CECR2: variants seen among roughly 807,000 people sequenced by gnomAD.
CECR2 encodes the protein chromatin remodeling regulator CECR2.
Under a neutral mutation model 154.5 loss-of-function variants are expected in CECR2, and 30 were observed. The ratio of observed to expected loss-of-function variants is 0.19; its 90% CI spans 0.15 to 0.26. The LOEUF (loss-of-function observed/expected upper bound fraction) is 0.26, where lower values mean the gene tolerates loss of function less well. Among genes scored for constraint, CECR2 ranks in the 10% least tolerant of loss-of-function variants. The pLI, the probability that CECR2 is intolerant of heterozygous loss-of-function variation, is 1.00. For synonymous variants in CECR2, 725 were observed against 683.7 expected, an observed-to-expected ratio of 1.06 and a Z score of -0.94; for missense variants, 1,743 against 1,829.3, an observed-to-expected ratio of 0.95 and a Z score of 0.86.
At chr22:17,478,179 G>C (rs576242271) in intron 2 of CECR2, among the ~76,000 whole-genome samples, 2 of 152,102 alleles carry the variant, frequency 1.3e-5, no homozygotes, top group Admixed American at 1.3e-4. Context: ...CTCTTGTTTT[G>C]ATCTTTACTT....
chr22:17,529,031 G>C (rs976022364), intron 9 of CECR2, among the ~76,000 whole-genome samples: 2 of 152,108 alleles, frequency 1.3e-5, no homozygotes, highest in African/African-American at 2.4e-5. Context: ...AGGAGATCGA[G>C]GCTGCAGTGA....
chr22:17,515,613 T>C (rs2056037195), intron 8 of CECR2, among the ~76,000 whole-genome samples: 1 of 152,188 alleles, frequency 6.6e-6, no homozygotes, highest in Admixed American at 6.5e-5. Context: ...TTTAAGCGTG[T>C]GAACATGTGA....
In CECR2 at chr22:17,540,715, A is replaced by T. The variant is rs767596260; in HGVS notation, c.1799A>T (p.Glu600Val). ...AGCAGCTCCACACAGCCCCCGCGGG[A>T]GGTGGGCACTTCCAATGGCCGAGGT... is the stretch of plus-strand genomic sequence containing the variant. ...QSSSSTQPPREVGTSNGRGFS... is the reference protein window; with the variant it reads ...QSSSSTQPPRVVGTSNGRGFS... The change falls in exon 14 of 19, where the codon GAG becomes GTG. Residue 600 changes from glutamate (E) to valine (V), a missense_variant. Glu to Val is a moderately radical substitution (Grantham distance 121). Transcript: ENST00000262608. 2 of 1,613,018 alleles carry T rather than the reference A, an allele frequency of 1.2e-6. No homozygotes were observed. The highest frequency in any genetic ancestry group is 1.7e-6 in the Non-Finnish European group (2 of 1,179,400).
At chr22:17,530,289 C>G (rs1298900783) in intron 9 of CECR2, among the ~76,000 whole-genome samples, 2 of 151,228 alleles carry the variant, frequency 1.3e-5, no homozygotes, top group African/African-American at 4.9e-5. Flanking sequence ...GCAGTGGTGC[C>G]GCGCCCGGCA....
At chr22:17,433,931 G>T (rs2054464740) in intron 1 of CECR2, among the ~76,000 whole-genome samples, 1 of 151,838 alleles carries the variant, frequency 6.6e-6, no homozygotes, top group Admixed American at 6.6e-5. Context: ...GGACAATGGG[G>T]AGCGAATCTA....
intron 2 of CECR2, among the ~76,000 whole-genome samples, chr22:17,491,343 C>T (rs1013533386): frequency 6.6e-6 from 1 of 152,052 alleles, no homozygotes; most frequent in African/African-American, 2.4e-5. Context: ...TCTCTGCATC[C>T]TGGTCAGCAC....
chr22:17,454,604 CAAAAAAA>C (rs533818885), intron 1 of CECR2, among the ~76,000 whole-genome samples: 1 of 88,494 alleles, frequency 1.1e-5, no homozygotes, highest in Admixed American at 1.3e-4. Context: ...GACTCCGTCT[CAAAAAAA>C]AAAAAAAAAC....
At chr22:17,475,844 C>A (rs1238620151) in intron 1 of CECR2, among the ~76,000 whole-genome samples, 1 of 152,094 alleles carries the variant, frequency 6.6e-6, no homozygotes, top group African/African-American at 2.4e-5. Context: ...TCCGTTCTCT[C>A]ATTTAGTAAG....
intron 2 of CECR2, among the ~76,000 whole-genome samples, chr22:17,495,882 AAAAG>A (rs1424604866): frequency 1.3e-5 from 2 of 151,058 alleles, no homozygotes; most frequent in Non-Finnish European, 3.0e-5. Flanking sequence ...AAAAAAAAAA[AAAAG>A]GTATTTACAC....
intron 1 of CECR2, among the ~76,000 whole-genome samples, chr22:17,416,333 GT>G (rs199846211): frequency 3.3e-5 from 5 of 151,948 alleles, no homozygotes; most frequent in Non-Finnish European, 5.9e-5. Flanking sequence ...TATATGTTTA[GT>G]TTTTTTCTAT....
intron 1 of CECR2, among the ~76,000 whole-genome samples, chr22:17,456,126 A>AATT (rs58669468): frequency 0.073 from 11,062 of 151,604 alleles, 728 homozygotes; most frequent in African/African-American, 0.17. Flanking sequence ...ATGTTTAGTC[A>AATT]ATTATTATTA....
chr22:17,512,592 A>G (rs1375990787), intron 8 of CECR2, among the ~76,000 whole-genome samples: 2 of 151,538 alleles, frequency 1.3e-5, no homozygotes, highest in Middle Eastern at 3.2e-3. Flanking sequence ...AATCCCAGCT[A>G]CTCGGGAGGC....
intron 2 of CECR2, among the ~76,000 whole-genome samples, chr22:17,478,158 C>T (rs1454987380): frequency 2.6e-5 from 4 of 151,992 alleles, no homozygotes; most frequent in African/African-American, 4.8e-5. Flanking sequence ...AAAGGAGAGT[C>T]CTGATAGGAC....
In CECR2 at chr22:17,539,062, G is replaced by A. The variant is rs1180269671; in HGVS notation, c.1438G>A (p.Val480Ile). ...GGLYCTKEEF[V>I]NDMKTMFRNC... is the part of the protein sequence containing the mutation. The stretch of plus-strand genomic sequence containing the variant: ...TTTATACTGTACCAAGGAGGAATTT[G>A]TAAATGACATGAAGACCATGTTCAG... Residue 480 changes from valine to isoleucine, a missense_variant, in exon 13 of 19, where the codon GTA becomes ATA. Physicochemically the swap from Val to Ile is conservative, Grantham distance 29. Around this residue, in one of 4 missense-constraint regions of CECR2, gnomAD observed 103 missense variants for 166.8 expected, o/e 0.62. Transcript: ENST00000262608. 5.0e-6 allele frequency: 8 copies of A among 1,613,904 alleles called. No individual in the cohort carries two copies. Among genetic ancestry groups the A allele is most frequent in the Non-Finnish European group, 6.8e-6 (8 of 1,179,818 alleles).
chr22:17,530,856 G>A (rs760225198), intron 9 of CECR2, among the ~76,000 whole-genome samples: 3 of 152,162 alleles, frequency 2.0e-5, no homozygotes, highest in African/African-American at 2.4e-5. Flanking sequence ...GGTATTACAC[G>A]AAGTGATATC....
At chr22:17,526,808 CAAAAA>C (rs34800488) in intron 9 of CECR2, among the ~76,000 whole-genome samples, 5 of 71,684 alleles carry the variant, frequency 7.0e-5, no homozygotes, top group African/African-American at 3.1e-4. Flanking sequence ...GACTCCATCT[CAAAAA>C]AAAAAAAAAA....
intron 1 of CECR2, among the ~76,000 whole-genome samples, chr22:17,396,507 A>T (rs1427583811): frequency 6.6e-6 from 1 of 152,234 alleles, no homozygotes; most frequent in Non-Finnish European, 1.5e-5. Context: ...GGATTGCACC[A>T]TTGCACTCCA....
At chr22:17,435,707 A>C (rs1047110128) in intron 1 of CECR2, among the ~76,000 whole-genome samples, 5,250 of 144,438 alleles carry the variant, frequency 0.036, 168 homozygotes, top group South Asian at 0.12. Flanking sequence ...AAAAAAAAAA[A>C]AAACAGGAGC....
intron 1 of CECR2, among the ~76,000 whole-genome samples, chr22:17,459,660 A>C (rs1484065828): frequency 6.6e-6 from 1 of 152,218 alleles, no homozygotes; most frequent in Non-Finnish European, 1.5e-5. Context: ...ATAGAAAAAG[A>C]GAACAATGAA....
Sources: allele counts gnomAD v4.1 joint callset (sites outside exome capture counted in the v4.1 genomes callset), GRCh38; gene constraint gnomAD v4.1.1; regional missense constraint gnomAD v4.1.1; transcripts MANE v1.5; gene names NCBI Gene and HGNC (gene_info 2026-07-23, HGNC 2026-07-21).